The following BCL2L13 variants were observed in gnomAD, a reference collection of about 807,000 sequenced individuals.
BCL2L13 encodes the protein bcl-2-like protein 13.
BCL2L13 carries 13 observed loss-of-function variants against 25.8 expected under a neutral mutation model. The observed-to-expected ratio is 0.50, with a 90% CI of 0.33 to 0.80. The LOEUF is 0.80. Among genes scored for constraint, BCL2L13 ranks in the 30% least tolerant of loss-of-function variants. The pLI is 0.02. For synonymous variants in BCL2L13, 244 were observed against 230.3 expected (o/e 1.06, Z -0.54); for missense variants, 504 against 574.9 (o/e 0.88, Z 1.26).
chr22:17,714,156 G>A (rs1361846556), intron 6 of BCL2L13, among the ~76,000 whole-genome samples: 1 of 152,096 alleles, frequency 6.6e-6, no homozygotes, highest in African/African-American at 2.4e-5. Context: ...AGCCGGGCGT[G>A]GTGGCGGGCA....
Position 17,645,058 on chromosome 22 carries a change from C to T in BCL2L13, c.-51+6172C>T, listed in dbSNP as rs1308376295. Among the ~76,000 whole-genome samples the T allele has an allele frequency of 2.7e-5, 4 of 150,812 alleles. 1 individual carries two copies. The highest frequency in any genetic ancestry group is 7.4e-5 in the African/African-American group (3 of 40,402). On this transcript the variant is annotated intron_variant, in intron 1 of 6. Coordinates refer to ENST00000317582, the MANE Select transcript of BCL2L13 (RefSeq NM_015367.4). Reference sequence around the variant, plus strand: ...TCTCCTAACCTCGTGATCCACCCACCTCGGCTTCCCAAAGTGCTGGGATTA... The same window carrying T: ...TCTCCTAACCTCGTGATCCACCCACTTCGGCTTCCCAAAGTGCTGGGATTA...
At chr22:17,656,042 A>T (rs2071651827) in intron 2 of BCL2L13, among the ~76,000 whole-genome samples, 1 of 152,050 alleles carries the variant, frequency 6.6e-6, no homozygotes, top group Non-Finnish European at 1.5e-5. Context: ...GGAGTTCGAG[A>T]CTAGCCTGGC....
chr22:17,651,284 C>T (rs2058676101), intron 1 of BCL2L13, among the ~76,000 whole-genome samples: 1 of 151,922 alleles, frequency 6.6e-6, no homozygotes. Flanking sequence ...AGGCGTGAGC[C>T]ATGGCGCTGG....
At chr22:17,673,687 T>C (rs958181831) in intron 2 of BCL2L13, among the ~76,000 whole-genome samples, 2 of 152,152 alleles carry the variant, frequency 1.3e-5, no homozygotes, top group Non-Finnish European at 2.9e-5. Context: ...TTATTTCTTT[T>C]ACCTTTTGTC....
intron 1 of BCL2L13, among the ~76,000 whole-genome samples, chr22:17,639,151 G>A (rs1381634394): frequency 1.3e-5 from 2 of 152,212 alleles, no homozygotes; most frequent in African/African-American, 4.8e-5. Flanking sequence ...AGGCGGAGGA[G>A]CTCGGCCCTG....
At chr22:17,644,611 TG>T (rs1386447285) in intron 1 of BCL2L13, among the ~76,000 whole-genome samples, 1 of 151,306 alleles carries the variant, frequency 6.6e-6, no homozygotes, top group African/African-American at 2.5e-5. Context: ...ATTATAGGTA[TG>T]AGCCACCACG....
intron 5 of BCL2L13, among the ~76,000 whole-genome samples, chr22:17,697,150 A>AG (rs906246708): frequency 6.6e-6 from 1 of 151,848 alleles, no homozygotes; most frequent in African/African-American, 2.4e-5. Context: ...AAAAAAAAAA[A>AG]AATTTCGGCC....
chr22:17,649,565 C>T (rs538889063), intron 1 of BCL2L13, among the ~76,000 whole-genome samples: 15 of 151,650 alleles, frequency 9.9e-5, no homozygotes, highest in East Asian at 3.9e-4. Context: ...GGCAGTGGCA[C>T]GATCTTGGCT....
intron 6 of BCL2L13, among the ~76,000 whole-genome samples, chr22:17,714,236 T>A (rs1444631401): frequency 6.7e-6 from 1 of 148,996 alleles, no homozygotes; most frequent in African/African-American, 2.5e-5. Flanking sequence ...GAGCTTGGAG[T>A]GAGCAGAGAT....
chr22:17,647,310 G>C (rs900776829), intron 1 of BCL2L13, among the ~76,000 whole-genome samples: 5 of 151,830 alleles, frequency 3.3e-5, no homozygotes, highest in African/African-American at 4.8e-5. Flanking sequence ...GGGTTTCACT[G>C]TGTTGGCCAG....
intron 2 of BCL2L13, among the ~76,000 whole-genome samples, chr22:17,656,256 A>G (rs1262321995): frequency 6.8e-6 from 1 of 148,146 alleles, no homozygotes; most frequent in African/African-American, 2.5e-5. Context: ...AAAAAAATAT[A>G]CACAAAAAAG....
rs767147739 is a variant in BCL2L13, at chr22:17,727,119, A to G, written c.1043A>G (p.His348Arg). ...LPEAPAPLLP[H>R]ITATSLLGTR... ...GAAGCCCCAGCTCCCTTGCTTCCAC[A>G]TATCACTGCCACCTCCCTGCTGGGG... is the stretch of plus-strand genomic sequence containing the variant. Residue 348 changes from histidine to arginine, a missense_variant, in exon 7 of 7, where the codon CAT (histidine) becomes CGT (arginine). Physicochemically the swap from His to Arg is conservative, Grantham distance 29. Coordinates refer to ENST00000317582, the MANE Select transcript of BCL2L13 (RefSeq NM_015367.4). 9.3e-6 allele frequency: 15 copies of G among 1,614,074 alleles called. No individual in the cohort carries two copies. In the African/African-American group the frequency reaches 9.3e-5, roughly 10 times the overall value.
intron 6 of BCL2L13, among the ~76,000 whole-genome samples, chr22:17,721,184 T>C (rs76714518): frequency 1.0e-4 from 15 of 150,410 alleles, no homozygotes; most frequent in African/African-American, 3.4e-4. Flanking sequence ...AAAAAAAATA[T>C]ATATATATTT....
chr22:17,715,579 A>T (rs2060925158), intron 6 of BCL2L13, among the ~76,000 whole-genome samples: 1 of 152,032 alleles, frequency 6.6e-6, no homozygotes, highest in Non-Finnish European at 1.5e-5. Flanking sequence ...GAAAAGTGAA[A>T]CCAGTGCAAC....
At chr22:17,657,593 C>A (rs2146519826) in intron 2 of BCL2L13, among the ~76,000 whole-genome samples, 1 of 152,030 alleles carries the variant, frequency 6.6e-6, no homozygotes, top group East Asian at 1.9e-4. Context: ...GCTACTGCAA[C>A]CTCCGCCTCC....
chr22:17,701,866 G>A (rs1275678396), intron 5 of BCL2L13, among the ~76,000 whole-genome samples: 1 of 146,068 alleles, frequency 6.8e-6, no homozygotes, highest in African/African-American at 2.5e-5. Flanking sequence ...GGAGGCTGCA[G>A]TGAGCCAAGA....
chr22:17,729,195 C>T lies in BCL2L13; in HGVS notation c.*1661C>T, dbSNP rs2061363068. 1 of 152,178 alleles carries T rather than the reference C, an allele frequency of 6.6e-6. No individual in the cohort carries two copies. The highest frequency in any genetic ancestry group is 2.4e-5 in the African/African-American group (1 of 41,440). The allele number at this position is 152,178 out of a possible 1,614,324, so 9.4% of individuals were successfully genotyped here. On this transcript the variant is annotated 3_prime_UTR_variant, in exon 7 of 7. Coordinates refer to ENST00000317582, the MANE Select transcript of BCL2L13 (RefSeq NM_015367.4). ...AAATTTATGTTTTCAAATAAAATCT[C>T]CCTAAAGCAATATTTAAAAATTGGT...
chr22:17,630,615 G>T (rs1408300499), intron 1 of BCL2L13, among the ~76,000 whole-genome samples: 1 of 141,046 alleles, frequency 7.1e-6, no homozygotes, highest in Non-Finnish European at 1.5e-5. Context: ...TTTTGAGATG[G>T]AGTCTCGCTC....
rs376610199 is a variant in BCL2L13, at chr22:17,643,506, A to C, written c.-51+4620A>C. On this transcript the variant is annotated intron_variant, in intron 1 of 6. Transcript: ENST00000317582. ...GGATTAGAAAATAGCTTTGGACTCC[A>C]TGTTAACTTGTGGAACTTAAAAAAA... 1.4e-4 allele frequency among the ~76,000 whole-genome samples: 21 copies of C among 152,304 alleles called. 1 individual carries two copies. In the East Asian group the frequency reaches 2.3e-3, roughly 17 times the overall value.
Sources: gnomAD v4.1 joint callset for allele counts (sites outside exome capture counted in the v4.1 genomes callset) on GRCh38, gnomAD v4.1.1 for gene constraint, MANE v1.5 for transcripts, NCBI Gene and HGNC (gene_info 2026-07-23, HGNC 2026-07-21) for gene names.